Variants in REDIC1 observed in about 807,000 individuals in gnomAD.
REDIC1 encodes the protein regulator of DNA class I crossover intermediates 1.
the REDIC1 span, among the ~76,000 whole-genome samples, chr12:39,632,051 G>GTA: frequency 0.6 from 88,697 of 148,542 alleles, 27,730 homozygotes; most frequent in Non-Finnish European, 0.7. Flanking sequence ...GTGTAAATTT[G>GTA]TATATATATA....
At chr12:39,766,289 T>C in the REDIC1 span, among the ~76,000 whole-genome samples, 1 of 152,100 alleles carries the variant, frequency 6.6e-6, no homozygotes, top group Non-Finnish European at 1.5e-5. Flanking sequence ...ATAAAGTGGG[T>C]CACACGGATT....
chr12:39,773,883 C>T, the REDIC1 span, among the ~76,000 whole-genome samples: 7 of 152,152 alleles, frequency 4.6e-5, no homozygotes, highest in Non-Finnish European at 7.3e-5. Context: ...TACTACAGTT[C>T]GTGTGACACA....
At chr12:39,729,226 C>G in the REDIC1 span, among the ~76,000 whole-genome samples, 1 of 151,982 alleles carries the variant, frequency 6.6e-6, no homozygotes, top group Non-Finnish European at 1.5e-5. Context: ...GCTCTTGCTT[C>G]TCTAGTTCTT....
chr12:39,631,386 T>G, the REDIC1 span, among the ~76,000 whole-genome samples: 1 of 152,210 alleles, frequency 6.6e-6, no homozygotes. Context: ...GAAAATATAT[T>G]TTTGATATTC....
At chr12:39,860,078 T>C in the REDIC1 span, among the ~76,000 whole-genome samples, 5 of 152,220 alleles carry the variant, frequency 3.3e-5, no homozygotes, top group Admixed American at 1.3e-4. Flanking sequence ...GTTGGTTTCA[T>C]ATTAACAATA....
the REDIC1 span, among the ~76,000 whole-genome samples, chr12:39,904,556 T>A: frequency 3.9e-5 from 6 of 152,108 alleles, no homozygotes; most frequent in Non-Finnish European, 8.8e-5. Flanking sequence ...CAACTGCCAC[T>A]TGCCACCTTC....
the REDIC1 span, among the ~76,000 whole-genome samples, chr12:39,896,269 T>C: frequency 9.6e-5 from 13 of 135,940 alleles, no homozygotes; most frequent in Admixed American, 9.6e-4. Context: ...TATGTGTGTA[T>C]ATATGTATAC....
the REDIC1 span, among the ~76,000 whole-genome samples, chr12:39,791,246 G>T: frequency 7.0e-6 from 1 of 143,232 alleles, no homozygotes; most frequent in Non-Finnish European, 1.5e-5. Flanking sequence ...AGCTATCTAT[G>T]ACAAACCCAC....
chr12:39,885,298 C>T, the REDIC1 span, among the ~76,000 whole-genome samples: 12 of 152,130 alleles, frequency 7.9e-5, no homozygotes, highest in African/African-American at 2.2e-4. Flanking sequence ...TTTCATCTCC[C>T]GATGAAAAGA....
chr12:39,885,252 C>T, the REDIC1 span, among the ~76,000 whole-genome samples: 1 of 152,166 alleles, frequency 6.6e-6, no homozygotes, highest in East Asian at 1.9e-4. Flanking sequence ...CACAGACTAA[C>T]CTCACTTGAA....
the REDIC1 span, among the ~76,000 whole-genome samples, chr12:39,823,040 A>G: frequency 1.3e-5 from 2 of 152,192 alleles, no homozygotes; most frequent in Non-Finnish European, 2.9e-5. Context: ...TGAACCTGAA[A>G]AAGTAACAGC....
chr12:39,701,243 T>C, the REDIC1 span, among the ~76,000 whole-genome samples: 1 of 151,956 alleles, frequency 6.6e-6, no homozygotes, highest in African/African-American at 2.4e-5. Context: ...TGGAGGAAGA[T>C]CTACCAAGCA....
At chr12:39,838,471 C>A in the REDIC1 span, among the ~76,000 whole-genome samples, 2 of 142,432 alleles carry the variant, frequency 1.4e-5, no homozygotes, top group African/African-American at 5.3e-5. Context: ...TGCACATGTA[C>A]CCTAAAACTT....
At chr12:39,837,751 C>T in the REDIC1 span, among the ~76,000 whole-genome samples, 2 of 152,216 alleles carry the variant, frequency 1.3e-5, no homozygotes, top group Non-Finnish European at 2.9e-5. Context: ...TGCTCATCAT[C>T]ACTGGCCATC....
chr12:39,692,055 A>G, the REDIC1 span: 2 of 1,576,082 alleles, frequency 1.3e-6, no homozygotes, highest in East Asian at 4.6e-5. Flanking sequence ...CTAGATTCTG[A>G]TGGAAGAAGG....
the REDIC1 span, among the ~76,000 whole-genome samples, chr12:39,734,993 G>A: frequency 6.6e-6 from 1 of 152,158 alleles, no homozygotes; most frequent in Non-Finnish European, 1.5e-5. Context: ...TATTTATTCA[G>A]GTTTTCTCTA....
At chr12:39,834,999 G>T in the REDIC1 span, among the ~76,000 whole-genome samples, 2 of 152,032 alleles carry the variant, frequency 1.3e-5, no homozygotes, top group Non-Finnish European at 2.9e-5. Context: ...CTCAAGATTT[G>T]CTCTTTAAGC....
chr12:39,675,147 C>T, the REDIC1 span, among the ~76,000 whole-genome samples: 1 of 152,122 alleles, frequency 6.6e-6, no homozygotes, highest in Non-Finnish European at 1.5e-5. Flanking sequence ...AAGCCTATCA[C>T]CGGAGGCTTT....
chr12:39,832,584 G>A, the REDIC1 span, among the ~76,000 whole-genome samples: 1 of 151,946 alleles, frequency 6.6e-6, no homozygotes, highest in Non-Finnish European at 1.5e-5. Flanking sequence ...TGATCTTCCT[G>A]TGACCTACTA....
Sources: gnomAD v4.1 joint callset for allele counts (sites outside exome capture counted in the v4.1 genomes callset) on GRCh38, gnomAD v4.1.1 for gene constraint, MANE v1.5 for transcripts, NCBI Gene and HGNC (gene_info 2026-07-23, HGNC 2026-07-21) for gene names.